Variants in PCNX1 observed in about 807,000 individuals in gnomAD.
The protein encoded by PCNX1 is pecanex 1, also known as pecanex-like protein 1.
Under a neutral mutation model 242.2 loss-of-function variants are expected in PCNX1, and 78 were observed. The observed-to-expected ratio is 0.32, with a 90% CI of 0.27 to 0.39. The LOEUF is 0.39. Among genes scored for constraint, PCNX1 ranks in the 10% least tolerant of loss-of-function variants. The probability of loss-of-function intolerance (pLI) is 1.00; values close to 1 mark genes in which losing one functional copy is unlikely to be tolerated. For missense variants in PCNX1, 2,581 were observed against 2,856.5 expected (o/e 0.90, Z 2.20); for synonymous variants, 1,024 against 1,032.9 (o/e 0.99, Z 0.17).
At chr14:71,002,368 A>G (rs1595197911) in intron 8 of PCNX1, among the ~76,000 whole-genome samples, 1 of 152,096 alleles carries the variant, frequency 6.6e-6, no homozygotes, top group South Asian at 2.1e-4. Context: ...CATCAATTTT[A>G]TGGATATATA....
intron 1 of PCNX1, among the ~76,000 whole-genome samples, chr14:70,922,818 C>T (rs1205235303): frequency 1.4e-5 from 2 of 148,136 alleles, no homozygotes; most frequent in African/African-American, 5.0e-5. Context: ...TGAACACTTA[C>T]GTATATAAGA....
chr14:71,060,585 C>G (rs562907418), intron 26 of PCNX1: 1 of 152,178 alleles, frequency 6.6e-6, no homozygotes, highest in East Asian at 1.9e-4. Context: ...GACCAGGAAG[C>G]TAAATTAAAA....
intron 28 of PCNX1, among the ~76,000 whole-genome samples, chr14:71,086,345 A>T (rs138730717): frequency 6.1e-4 from 93 of 152,102 alleles, no homozygotes; most frequent in African/African-American, 2.1e-3. Flanking sequence ...TATGGGTCCT[A>T]TTTTCCTGCT....
At chr14:71,026,980 CA>C (rs1203503474) in intron 15 of PCNX1, 98 bp downstream of exon 15, 1 of 556,990 alleles carries the variant, frequency 1.8e-6, no homozygotes, top group African/African-American at 2.0e-5. Context: ...GTTTTCACTT[CA>C]GGCTTGAAAT....
At chr14:71,039,520 A>T (rs981666423) in intron 19 of PCNX1, among the ~76,000 whole-genome samples, 5 of 151,974 alleles carry the variant, frequency 3.3e-5, no homozygotes, top group Non-Finnish European at 5.9e-5. Flanking sequence ...CAGGAGCTGT[A>T]CTCTTTTATA....
intron 24 of PCNX1, among the ~76,000 whole-genome samples, chr14:71,052,310 C>T (rs78646318): frequency 1.3e-5 from 2 of 151,396 alleles, no homozygotes; most frequent in African/African-American, 4.9e-5. Context: ...TCCTGGGGGG[C>T]TCAAGTGATC....
chr14:71,050,720 T>C lies in PCNX1; in HGVS notation c.4407T>C (p.Gly1469=). The C allele has an allele frequency of 6.2e-7, 1 of 1,613,524 alleles. No homozygotes were observed. The highest frequency in any genetic ancestry group is 1.7e-5 in the Admixed American group (1 of 60,006). The change falls in exon 23 of 36, where the codon GGT becomes GGC. Residue 1469 remains glycine, a synonymous_variant. Transcript: ENST00000304743. ...TYIAPWQITW[G]SAFHAFAQPF... is the part of the protein sequence containing the mutation. ...TTGCCCCATGGCAGATCACATGGGG[T>C]TCTGCTTTCCATGCTTTTGCTCAGC...
At chr14:70,987,139 T>C (rs1372690571) in intron 6 of PCNX1, among the ~76,000 whole-genome samples, 2 of 152,208 alleles carry the variant, frequency 1.3e-5, no homozygotes, top group Non-Finnish European at 2.9e-5. Context: ...TTTCATTTCA[T>C]TGAAGTCATG....
chr14:70,990,963 C>CT (rs563927069), intron 7 of PCNX1, among the ~76,000 whole-genome samples: 6 of 149,536 alleles, frequency 4.0e-5, no homozygotes, highest in African/African-American at 7.4e-5. Flanking sequence ...TTATATAAAA[C>CT]TTTTTTTTTT....
intron 1 of PCNX1, among the ~76,000 whole-genome samples, chr14:70,910,581 T>C (rs532152323): frequency 1.1e-3 from 167 of 152,336 alleles, no homozygotes; most frequent in African/African-American, 4.0e-3. Context: ...GGTTCTCATA[T>C]ACGTGAGGCT....
rs559172300 is a variant in PCNX1 at position 71,046,073 on chromosome 14, G to C, written c.4018+790G>C. On this transcript the variant is annotated intron_variant, in intron 20 of 35. Transcript: ENST00000304743. ...TTTTTTCAGTTAGCTAATTACTGTA[G>C]AGTAAATCATTCAGTTGCTTGAAGA... is the stretch of plus-strand genomic sequence containing the variant. Among the ~76,000 whole-genome samples, 5 of 151,922 alleles carry C rather than the reference G, an allele frequency of 3.3e-5. No individual in the cohort carries two copies. In the East Asian group the frequency reaches 5.8e-4, roughly 18 times the overall value.
At chr14:70,967,855 G>A (rs1485041970) in intron 3 of PCNX1, among the ~76,000 whole-genome samples, 1 of 152,084 alleles carries the variant, frequency 6.6e-6, no homozygotes, top group Non-Finnish European at 1.5e-5. Context: ...TTTTGCTTTT[G>A]TTTATAACAT....
chr14:71,038,988 C>T (rs1367836986), intron 19 of PCNX1, among the ~76,000 whole-genome samples: 7 of 151,200 alleles, frequency 4.6e-5, no homozygotes, highest in East Asian at 1.9e-4. Flanking sequence ...AACCAAACAC[C>T]GCATATTCTC....
chr14:70,956,793 G>C (rs1368070787), intron 2 of PCNX1, among the ~76,000 whole-genome samples: 1 of 151,982 alleles, frequency 6.6e-6, no homozygotes, highest in Non-Finnish European at 1.5e-5. Flanking sequence ...CTCAGTTTAT[G>C]TTTCATTCCT....
intron 1 of PCNX1, among the ~76,000 whole-genome samples, chr14:70,939,925 T>G (rs1011737835): frequency 2.0e-4 from 30 of 152,222 alleles, no homozygotes; most frequent in African/African-American, 7.2e-4. Context: ...GTTTAAAGTC[T>G]GTCTTATCAG....
rs138566336 is a variant in PCNX1, at chr14:70,947,065, C to G, written c.304C>G (p.Arg102Gly). Reference sequence around the variant, plus strand: ...GACTGCAAATGAGTTCACGGATCAGCGAACCAAAGCTGAACAAGGCAACTG... The same window carrying G: ...GACTGCAAATGAGTTCACGGATCAGGGAACCAAAGCTGAACAAGGCAACTG... ...DRTANEFTDQ[R>G]TKAEQGNCST... The change falls in exon 2 of 36, where the codon CGA becomes GGA. Residue 102 changes from arginine to glycine, a missense_variant. This residue lies in a region of PCNX1 where 1,204 missense variants were observed against 1,216.7 expected (regional missense o/e 0.99). Coordinates refer to ENST00000304743, the MANE Select transcript of PCNX1 (RefSeq NM_014982.3). 430 of 1,613,382 alleles carry G rather than the reference C, an allele frequency of 2.7e-4. 3 individuals are homozygous for G. The African/African-American group carries it at 4.7e-3, about 18-fold the overall frequency.
At chr14:70,934,096 G>C (rs2056907292) in intron 1 of PCNX1, among the ~76,000 whole-genome samples, 1 of 152,180 alleles carries the variant, frequency 6.6e-6, no homozygotes, top group Non-Finnish European at 1.5e-5. Context: ...TTATTCACTT[G>C]AGTTTTTAAA....
chr14:70,939,359 A>T (rs1162291290), intron 1 of PCNX1, among the ~76,000 whole-genome samples: 1 of 152,174 alleles, frequency 6.6e-6, no homozygotes, highest in Non-Finnish European at 1.5e-5. Flanking sequence ...TTCAAAGAAC[A>T]TCTTTATTTC....
At chr14:71,055,193 A>G (rs1490159057) in intron 24 of PCNX1, among the ~76,000 whole-genome samples, 1 of 152,200 alleles carries the variant, frequency 6.6e-6, no homozygotes, top group Non-Finnish European at 1.5e-5. Context: ...TTTAAGAACC[A>G]TATACAGTAT....
Sources: gnomAD v4.1 joint callset for allele counts (sites outside exome capture counted in the v4.1 genomes callset) on GRCh38, gnomAD v4.1.1 for gene constraint, gnomAD v4.1.1 regional missense constraint, MANE v1.5 for transcripts, NCBI Gene and HGNC (gene_info 2026-07-23, HGNC 2026-07-21) for gene names.